KAT2B: variants seen among roughly 807,000 people sequenced by gnomAD.
The protein encoded by KAT2B is histone acetyltransferase KAT2B.
A neutral mutation model predicts 105.9 loss-of-function variants in KAT2B; 36 were observed. The observed-to-expected ratio is 0.34, with a 90% CI of 0.26 to 0.45. The LOEUF (loss-of-function observed/expected upper bound fraction) is 0.45. Among genes scored for constraint, KAT2B ranks in the 20% least tolerant of loss-of-function variants. The pLI, the probability that KAT2B is intolerant of heterozygous loss-of-function variation, is 1.00. For synonymous variants in KAT2B, 397 were observed against 377.9 expected (o/e 1.05, Z -0.59); for missense variants, 820 against 1,021.6 (o/e 0.80, Z 2.69).
chr3:20,127,696 C>A, intron 11 of KAT2B, 147 bp downstream of exon 11: 1 of 713,978 alleles, frequency 1.4e-6, no homozygotes. Context: ...CCTCTCACTC[C>A]AATGGTCTCC....
chr3:20,151,846 A>G (rs984104761), intron 17 of KAT2B, among the ~76,000 whole-genome samples: 5 of 152,162 alleles, frequency 3.3e-5, no homozygotes, highest in Admixed American at 3.3e-4. Flanking sequence ...GTGTTCACAG[A>G]TGTATTTATT....
chr3:20,148,054 C>A, intron 15 of KAT2B, 55 bp downstream of exon 15: 1 of 1,561,128 alleles, frequency 6.4e-7, no homozygotes, highest in Non-Finnish European at 8.8e-7. Flanking sequence ...TTTTCCCCAC[C>A]AAGCAACTTA....
At chr3:20,146,258 C>G (rs747638574) in intron 13 of KAT2B, 58 bp from the exon 14 acceptor site, 302 of 977,056 alleles carry the variant, frequency 3.1e-4, no homozygotes, top group Non-Finnish European at 4.6e-4. Context: ...GGTTGACTGA[C>G]TTGAACTGTA....
rs71853298 is a variant in KAT2B at position 20,069,509 on chromosome 3, TTTTTCTTTTC to T, written c.304-2809_304-2800del. ...TATAGGGGAGGGCAGAGAGCTTTTC[TTTTTCTTTTC>T]TTTTCTTTTCTTTTTTTTTTTTTTG... On this transcript the variant is annotated intron_variant, in intron 1 of 17. Transcript: ENST00000263754. Among the ~76,000 whole-genome samples, 636 of 141,446 alleles carry T rather than the reference TTTTTCTTTTC, an allele frequency of 4.5e-3. 1 individual carries two copies. The highest frequency in any genetic ancestry group is 7.2e-3 in the Non-Finnish European group (476 of 65,778). 92.8% of individuals were successfully genotyped at this position (141,446 alleles called of 152,430 possible).
intron 15 of KAT2B, 94 bp downstream of exon 15, chr3:20,148,093 C>G: frequency 1.4e-6 from 2 of 1,395,504 alleles, no homozygotes; most frequent in Non-Finnish European, 2.0e-6. Flanking sequence ...ATTGTAATCA[C>G]TAACACAACA....
Position 20,148,390 on chromosome 3 carries a change from T to G in KAT2B, c.2221-13T>G. On this transcript the variant is annotated splice_polypyrimidine_tract_variant and intron_variant, in intron 16 of 17. Coordinates refer to ENST00000263754, the MANE Select transcript of KAT2B (RefSeq NM_003884.5). ...TTTCCATATTAGATACCTTACTTTT[T>G]TCTTTACCCAAGAGCCATCAAAGCG... 6.2e-7 allele frequency: 1 copy of G among 1,610,270 alleles called. No homozygotes were observed. The highest frequency in any genetic ancestry group is 1.1e-5 in the South Asian group (1 of 90,544).
At position 20,111,638 on chromosome 3, in the gene KAT2B, A is replaced by G; in HGVS notation, c.894A>G (p.Leu298=). ...YCNVPQFCDS[L]PRYETTQVFG... is the part of the protein sequence containing the mutation. Reference sequence around the variant, plus strand: ...ACGTGCCACAGTTCTGCGACAGTCTACCTCGGTACGAAACCACACAGGTGT... The same window carrying G: ...ACGTGCCACAGTTCTGCGACAGTCTGCCTCGGTACGAAACCACACAGGTGT... The change falls in exon 6 of 18, where the codon CTA becomes CTG. Residue 298 remains leucine, a synonymous_variant. Transcript: ENST00000263754. 1 of 1,613,756 alleles carries G rather than the reference A, an allele frequency of 6.2e-7. No homozygotes were observed. The highest frequency in any genetic ancestry group is 8.5e-7 in the Non-Finnish European group (1 of 1,179,850).
Position 20,074,824 on chromosome 3 carries a change from G to T in KAT2B, c.430+2365G>T, listed in dbSNP as rs371270987. ...TATTGGTTCAGGATTTAAATACCCT[G>T]TGGAGGAGCTTGTGCCTGTTATGTG... On this transcript the variant is annotated intron_variant, in intron 2 of 17. Coordinates refer to ENST00000263754, the MANE Select transcript of KAT2B (RefSeq NM_003884.5). Among the ~76,000 whole-genome samples the T allele has an allele frequency of 6.4e-4, 98 of 152,308 alleles. No homozygotes were observed. In the Middle Eastern group the frequency reaches 0.017, roughly 27 times the overall value.
At chr3:20,101,990 C>T (rs4858156) in intron 5 of KAT2B, among the ~76,000 whole-genome samples, 16,763 of 152,060 alleles carry the variant, frequency 0.11, 1,174 homozygotes, top group Admixed American at 0.16. Context: ...AGCCCTCACT[C>T]AAAAAATGCA....
Position 20,040,567 on chromosome 3 carries a change from G to C in KAT2B, c.90G>C (p.Ala30=). 1.8e-6 allele frequency: 2 copies of C among 1,105,216 alleles called. No homozygotes were observed. The highest frequency in any genetic ancestry group is 2.2e-6 in the Non-Finnish European group (2 of 908,006). The allele number at this position is 1,105,216 out of a possible 1,614,324, so 68.5% of individuals were successfully genotyped here. A position where few individuals can be genotyped will look rare whatever the true frequency, so the allele number is the denominator to read the frequency against. Residue 30 remains alanine, a synonymous_variant, in exon 1 of 18, where the codon GCG becomes GCC. Transcript: ENST00000263754. ...AGPGALPPQP[A]ALPPAPPQGS... is the part of the protein sequence containing the mutation. ...CCGGGGCGCTGCCCCCGCAGCCTGC[G>C]GCGCTTCCGCCCGCGCCCCCGCAGG...
At chr3:20,150,581 C>T (rs577629031) in intron 17 of KAT2B, among the ~76,000 whole-genome samples, 1 of 152,156 alleles carries the variant, frequency 6.6e-6, no homozygotes, top group Admixed American at 6.6e-5. Flanking sequence ...TTAATGGTGT[C>T]TCTATATTTG....
intron 13 of KAT2B, among the ~76,000 whole-genome samples, chr3:20,143,750 G>C (rs1363076976): frequency 6.6e-6 from 1 of 152,090 alleles, no homozygotes; most frequent in African/African-American, 2.4e-5. Flanking sequence ...GGTTTAGCTG[G>C]GGCCATTATC....
intron 7 of KAT2B, among the ~76,000 whole-genome samples, chr3:20,117,750 G>A (rs1699231639): frequency 6.6e-6 from 1 of 152,144 alleles, no homozygotes; most frequent in South Asian, 2.1e-4. Context: ...CTGCCATGCT[G>A]TGTCCTGTAT....
chr3:20,105,149 G>A (rs139776907), intron 5 of KAT2B, among the ~76,000 whole-genome samples: 510 of 152,272 alleles, frequency 3.3e-3, no homozygotes, highest in Non-Finnish European at 5.4e-3. Context: ...TCCTCCTAAA[G>A]TGCTGGGATT....
At chr3:20,109,021 C>T (rs1235783122) in intron 5 of KAT2B, among the ~76,000 whole-genome samples, 1 of 152,114 alleles carries the variant, frequency 6.6e-6, no homozygotes, top group Admixed American at 6.5e-5. Context: ...AGCCTAGGTG[C>T]CAAGTGTGTA....
At chr3:20,056,092 C>T (rs145812230) in intron 1 of KAT2B, among the ~76,000 whole-genome samples, 2 of 152,114 alleles carry the variant, frequency 1.3e-5, no homozygotes, top group Non-Finnish European at 2.9e-5. Flanking sequence ...TTTGAAGTGA[C>T]CCCTCTGGCT....
intron 5 of KAT2B, among the ~76,000 whole-genome samples, chr3:20,103,694 T>A (rs1698949348): frequency 6.6e-6 from 1 of 152,068 alleles, no homozygotes. Flanking sequence ...CATGTGTGAG[T>A]CACTGTGCCC....
chr3:20,122,753 C>T lies in KAT2B; in HGVS notation c.1362C>T (p.Ile454=), dbSNP rs767417068. ...TGGGGGATATTCCGATGGAATTAAT[C>T]AACGAGGTTATGTCTACCATCACGG... The part of the protein sequence containing the change: ...RVMGDIPMEL[I]NEVMSTITDP... The change falls in exon 9 of 18, where the codon ATC becomes ATT. Residue 454 remains isoleucine, a synonymous_variant. Transcript: ENST00000263754. 5 of 1,614,058 alleles carry T rather than the reference C, an allele frequency of 3.1e-6. No homozygotes were observed. The highest frequency in any genetic ancestry group is 1.7e-5 in the Admixed American group (1 of 60,016).
rs142787663 is a variant in KAT2B, at chr3:20,127,250, T to G, written c.1623-173T>G. Among the ~76,000 whole-genome samples the G allele has an allele frequency of 1.1e-4, 16 of 152,240 alleles. No individual in the cohort carries two copies. The East Asian group carries it at 2.9e-3, about 28-fold the overall frequency. ...TGACATCTTGTGCAGGCGACCTAGC[T>G]CTAAAAAGTTCAGATAAAAGGATGG... On this transcript the variant is annotated intron_variant, in intron 10 of 17. Transcript: ENST00000263754.
Sources: gnomAD v4.1 joint callset for allele counts (sites outside exome capture counted in the v4.1 genomes callset) on GRCh38, gnomAD v4.1.1 for gene constraint, MANE v1.5 for transcripts, NCBI Gene and HGNC (gene_info 2026-07-23, HGNC 2026-07-21) for gene names.